Variants in FSTL5 observed in about 807,000 individuals in gnomAD.
FSTL5 encodes follistatin like 5, also known as follistatin-related protein 5.
FSTL5 carries 62 observed loss-of-function variants against 89.1 expected under a neutral mutation model. The ratio of observed to expected loss-of-function variants is 0.70; its 90% CI spans 0.57 to 0.86. FSTL5 has a LOEUF of 0.86. Ranked by LOEUF, FSTL5 falls within the 40% of genes least tolerant of loss-of-function variation. The pLI, the probability that FSTL5 is intolerant of heterozygous loss-of-function variation, is 0.00. For synonymous variants in FSTL5, 383 were observed against 346.2 expected, an observed-to-expected ratio of 1.11 and a Z score of -1.18; for missense variants, 1,057 against 1,001.6, an observed-to-expected ratio of 1.06 and a Z score of -0.75.
intron 6 of FSTL5, among the ~76,000 whole-genome samples, chr4:161,698,934 A>C (rs1821470): frequency 1.3e-5 from 2 of 151,930 alleles, no homozygotes; most frequent in African/African-American, 4.8e-5. Context: ...TGGGTGACAG[A>C]GTAAGAAAGA....
intron 4 of FSTL5, among the ~76,000 whole-genome samples, chr4:161,833,574 G>A (rs1044375380): frequency 6.7e-6 from 1 of 150,350 alleles, no homozygotes; most frequent in Admixed American, 6.7e-5. Context: ...CCTGTATTGG[G>A]TGCATATATA....
intron 6 of FSTL5, among the ~76,000 whole-genome samples, chr4:161,735,538 A>C (rs1250674118): frequency 3.3e-5 from 5 of 152,182 alleles, no homozygotes; most frequent in Admixed American, 2.6e-4. Flanking sequence ...CCTGTTTTCC[A>C]TTATCATCTG....
At chr4:162,059,715 C>G (rs1353991729) in intron 2 of FSTL5, among the ~76,000 whole-genome samples, 1 of 152,062 alleles carries the variant, frequency 6.6e-6, no homozygotes, top group Non-Finnish European at 1.5e-5. Context: ...TAATCTATAA[C>G]TCATACAAAT....
chr4:161,691,185 T>C (rs1380687733), intron 6 of FSTL5, among the ~76,000 whole-genome samples: 1 of 152,154 alleles, frequency 6.6e-6, no homozygotes, highest in Non-Finnish European at 1.5e-5. Context: ...TTTAACTTTA[T>C]TATTCAGTTC....
chr4:161,971,376 T>C lies in FSTL5; in HGVS notation c.161-50724A>G, dbSNP rs150550151. Among the ~76,000 whole-genome samples the C allele has an allele frequency of 7.2e-5, 11 of 152,274 alleles. No individual in the cohort carries two copies. The East Asian group carries it at 1.5e-3, about 21-fold the overall frequency. ...CCCATAGTAAAGTATTCCCAGAAGA[T>C]GTTTTAAAAATTCAAACACATTTCA... is the stretch of plus-strand genomic sequence containing the variant. On this transcript the variant is annotated intron_variant, in intron 3 of 15. Transcript: ENST00000306100.
chr4:161,913,296 C>G (rs760773148), intron 4 of FSTL5, among the ~76,000 whole-genome samples: 1 of 152,112 alleles, frequency 6.6e-6, no homozygotes, highest in African/African-American at 2.4e-5. Flanking sequence ...ATCACAGGCC[C>G]GGAGGCCCAG....
intron 4 of FSTL5, among the ~76,000 whole-genome samples, chr4:161,848,658 TATA>T (rs1731453283): frequency 6.6e-6 from 1 of 152,184 alleles, no homozygotes; most frequent in Admixed American, 6.6e-5. Flanking sequence ...GCTACACTTT[TATA>T]ATGTGTTGGT....
intron 4 of FSTL5, among the ~76,000 whole-genome samples, chr4:161,823,802 G>T (rs957611322): frequency 4.6e-5 from 7 of 152,162 alleles, no homozygotes; most frequent in Admixed American, 3.9e-4. Context: ...ATGTTTGTTG[G>T]CCATTTGTAT....
chr4:162,032,961 C>T (rs1304397171), intron 3 of FSTL5, among the ~76,000 whole-genome samples: 1 of 152,006 alleles, frequency 6.6e-6, no homozygotes, highest in Non-Finnish European at 1.5e-5. Flanking sequence ...GAAGAGCCAA[C>T]AAGTGAATGG....
At chr4:161,716,151 C>A (rs1738972846) in intron 6 of FSTL5, among the ~76,000 whole-genome samples, 1 of 152,088 alleles carries the variant, frequency 6.6e-6, no homozygotes, top group Non-Finnish European at 1.5e-5. Context: ...AGGAAATAGA[C>A]CCTGCCATAG....
intron 8 of FSTL5, among the ~76,000 whole-genome samples, chr4:161,572,175 C>T (rs1451218137): frequency 1.3e-5 from 2 of 151,606 alleles, no homozygotes; most frequent in African/African-American, 2.4e-5. Context: ...AAAAATTAGC[C>T]AGGCATGTTG....
intron 6 of FSTL5, among the ~76,000 whole-genome samples, chr4:161,748,502 G>C (rs375618359): frequency 4.6e-5 from 7 of 151,738 alleles, no homozygotes; most frequent in African/African-American, 1.5e-4. Flanking sequence ...ACTTCAAAAC[G>C]TGGAAGGTAA....
At chr4:161,745,391 A>G (rs961145607) in intron 6 of FSTL5, among the ~76,000 whole-genome samples, 2 of 152,088 alleles carry the variant, frequency 1.3e-5, no homozygotes, top group African/African-American at 4.8e-5. Context: ...AGAAATAAAT[A>G]CCAGAAACAC....
intron 2 of FSTL5, among the ~76,000 whole-genome samples, chr4:162,082,156 G>A (rs1730126260): frequency 6.6e-6 from 1 of 151,700 alleles, no homozygotes; most frequent in African/African-American, 2.4e-5. Context: ...CTTTATCAGT[G>A]TTGATCTCTA....
chr4:161,608,551 T>G (rs999193809), intron 7 of FSTL5, among the ~76,000 whole-genome samples: 3 of 151,972 alleles, frequency 2.0e-5, no homozygotes, highest in Non-Finnish European at 2.9e-5. Flanking sequence ...ATAAGTTATA[T>G]TTCATAATTT....
intron 8 of FSTL5, among the ~76,000 whole-genome samples, chr4:161,573,188 T>C (rs1578935990): frequency 6.6e-6 from 1 of 151,794 alleles, no homozygotes. Flanking sequence ...GTCAAGCGAA[T>C]TGCTTGAGTC....
At chr4:162,033,012 C>T (rs1197440966) in intron 3 of FSTL5, among the ~76,000 whole-genome samples, 1 of 151,878 alleles carries the variant, frequency 6.6e-6, no homozygotes, top group African/African-American at 2.4e-5. Flanking sequence ...TTGTGATATG[C>T]CATCATTATA....
intron 1 of FSTL5, among the ~76,000 whole-genome samples, chr4:162,125,364 T>G (rs977104547): frequency 1.3e-5 from 2 of 152,216 alleles, no homozygotes; most frequent in African/African-American, 4.8e-5. Context: ...ATTTGAATTT[T>G]TAATTGACCT....
At chr4:161,681,553 G>A (rs992198559) in intron 6 of FSTL5, among the ~76,000 whole-genome samples, 2 of 151,866 alleles carry the variant, frequency 1.3e-5, no homozygotes, top group East Asian at 3.9e-4. Context: ...TAATAGCCCT[G>A]GCAATAAGCA....
Sources: gnomAD v4.1 joint callset for allele counts (sites outside exome capture counted in the v4.1 genomes callset) on GRCh38, gnomAD v4.1.1 for gene constraint, MANE v1.5 for transcripts, NCBI Gene and HGNC (gene_info 2026-07-23, HGNC 2026-07-21) for gene names.